OPN5: variants seen among roughly 807,000 people sequenced by gnomAD.
The protein encoded by OPN5 is opsin 5.
In OPN5, 18 loss-of-function variants were observed where a neutral mutation model predicts 41.7. The ratio of observed to expected loss-of-function variants is 0.43; its 90% CI spans 0.30 to 0.64. The LOEUF (loss-of-function observed/expected upper bound fraction) is 0.64. Ranked by LOEUF, OPN5 falls within the 30% of genes least tolerant of loss-of-function variation. The probability of loss-of-function intolerance (pLI) is 0.13; values close to 1 mark genes in which losing one functional copy is unlikely to be tolerated. For missense variants in OPN5, 318 were observed against 434.5 expected (o/e 0.73, Z 2.38); for synonymous variants, 178 against 164.3 (o/e 1.08, Z -0.64).
chr6:47,802,044 CT>C (rs1773797262), intron 4 of OPN5, among the ~76,000 whole-genome samples: 5 of 152,214 alleles, frequency 3.3e-5, no homozygotes, highest in African/African-American at 1.2e-4. Flanking sequence ...CCTTCTGTAT[CT>C]GAGGAATTTC....
At chr6:47,805,754 A>G (rs1362112019) in intron 4 of OPN5, among the ~76,000 whole-genome samples, 1 of 152,208 alleles carries the variant, frequency 6.6e-6, no homozygotes, top group East Asian at 1.9e-4. Context: ...TGTTGCTTTA[A>G]TTATTACTAA....
chr6:47,802,258 G>A (rs1234065018), intron 4 of OPN5, among the ~76,000 whole-genome samples: 2 of 152,124 alleles, frequency 1.3e-5, no homozygotes, highest in Non-Finnish European at 2.9e-5. Context: ...ACAGCAGCAG[G>A]AGTTTCTGCA....
intron 6 of OPN5, among the ~76,000 whole-genome samples, chr6:47,821,606 G>A (rs1365156011): frequency 1.3e-5 from 2 of 152,164 alleles, no homozygotes; most frequent in Non-Finnish European, 2.9e-5. Context: ...AAAAATATGT[G>A]AGCAATTTTA....
At chr6:47,820,086 C>T (rs945636359) in intron 6 of OPN5, among the ~76,000 whole-genome samples, 1 of 151,966 alleles carries the variant, frequency 6.6e-6, no homozygotes, top group African/African-American at 2.4e-5. Context: ...GGAACACAAC[C>T]ATGCCCACTT....
chr6:47,793,240 A>G (rs1185674466), intron 3 of OPN5, among the ~76,000 whole-genome samples: 1 of 152,278 alleles, frequency 6.6e-6, no homozygotes, highest in Non-Finnish European at 1.5e-5. Flanking sequence ...CTAAACCCTG[A>G]TACCTCTGTT....
intron 6 of OPN5, among the ~76,000 whole-genome samples, chr6:47,820,133 T>TAGAGAGAG (rs5876036): frequency 2.7e-4 from 40 of 149,496 alleles, no homozygotes; most frequent in African/African-American, 9.6e-4. Flanking sequence ...TCCTTTTGAA[T>TAGAGAGAG]AGAGAGAGAG....
At chr6:47,800,882 A>G (rs1269865019) in intron 4 of OPN5, among the ~76,000 whole-genome samples, 3 of 152,332 alleles carry the variant, frequency 2.0e-5, no homozygotes, top group East Asian at 3.9e-4. Flanking sequence ...TAGTTTTTCT[A>G]AATATTATTA....
intron 5 of OPN5, among the ~76,000 whole-genome samples, chr6:47,809,864 G>A (rs1248099867): frequency 6.6e-6 from 1 of 152,210 alleles, no homozygotes; most frequent in African/African-American, 2.4e-5. Context: ...TAGAGCAGTT[G>A]TGGGAGAAAG....
intron 6 of OPN5, among the ~76,000 whole-genome samples, chr6:47,815,987 G>T (rs1397540094): frequency 6.6e-6 from 1 of 152,048 alleles, no homozygotes; most frequent in Admixed American, 6.6e-5. Flanking sequence ...CATGCACCAC[G>T]AGGTCTGAAA....
At chr6:47,813,113 C>CAACAAG (rs1341179581) in intron 6 of OPN5, among the ~76,000 whole-genome samples, 1 of 114,486 alleles carries the variant, frequency 8.7e-6, no homozygotes, top group African/African-American at 2.9e-5. Flanking sequence ...ACAACAACAA[C>CAACAAG]AAGCAACAAC....
chr6:47,822,267 C>A (rs1762649178), intron 6 of OPN5, among the ~76,000 whole-genome samples: 1 of 151,852 alleles, frequency 6.6e-6, no homozygotes, highest in Non-Finnish European at 1.5e-5. Context: ...ACCTGGGCTG[C>A]AGAGAGAGGG....
chr6:47,811,663 C>T lies in OPN5; in HGVS notation c.999-11C>T, dbSNP rs201961212. ...AGATATTAAATTGCATTTTTCTTCTCCTATATCTAGGCTGCACACCGTAAC... is the reference window on the plus strand; with the variant it reads ...AGATATTAAATTGCATTTTTCTTCTTCTATATCTAGGCTGCACACCGTAAC... On this transcript the variant is annotated splice_polypyrimidine_tract_variant and intron_variant, in intron 5 of 6. Transcript: ENST00000371211. 1.9e-6 allele frequency: 3 copies of T among 1,604,282 alleles called. No individual in the cohort carries two copies. The highest frequency in any genetic ancestry group is 2.6e-6 in the Non-Finnish European group (3 of 1,172,014).
intron 6 of OPN5, among the ~76,000 whole-genome samples, chr6:47,820,868 A>G (rs1327461041): frequency 6.6e-6 from 1 of 152,202 alleles, no homozygotes; most frequent in African/African-American, 2.4e-5. Flanking sequence ...GAACTTAACT[A>G]TTAATGGCCT....
At chr6:47,791,686 T>G in intron 2 of OPN5, 116 bp from the exon 3 acceptor site, 1 of 735,174 alleles carries the variant, frequency 1.4e-6, no homozygotes, top group East Asian at 2.5e-5. Context: ...ATCAAGGGTG[T>G]GTGTGTGCGT....
intron 1 of OPN5, among the ~76,000 whole-genome samples, chr6:47,783,920 C>T (rs1773137465): frequency 6.6e-6 from 1 of 152,154 alleles, no homozygotes; most frequent in South Asian, 2.1e-4. Flanking sequence ...CTCCAGACAA[C>T]ACAAAACAGA....
At chr6:47,811,268 G>A (rs1774189661) in intron 5 of OPN5, among the ~76,000 whole-genome samples, 1 of 152,138 alleles carries the variant, frequency 6.6e-6, no homozygotes, top group Admixed American at 6.5e-5. Flanking sequence ...GGAGAACAAA[G>A]CTGCAAACTC....
At chr6:47,795,651 G>C in intron 4 of OPN5, 88 bp downstream of exon 4, 1 of 877,674 alleles carries the variant, frequency 1.1e-6, no homozygotes, top group South Asian at 1.6e-5. Flanking sequence ...GAGACTGAGA[G>C]AACTTAGAAT....
At chr6:47,782,854 A>G (rs1164853750) in intron 1 of OPN5, among the ~76,000 whole-genome samples, 5 of 152,208 alleles carry the variant, frequency 3.3e-5, no homozygotes. Context: ...CAGTAGCCAC[A>G]TGTGGCTTTT....
chr6:47,789,779 C>A (rs186356570), intron 2 of OPN5, among the ~76,000 whole-genome samples: 8 of 152,298 alleles, frequency 5.3e-5, no homozygotes, highest in Admixed American at 2.6e-4. Flanking sequence ...CCTGGGAGAG[C>A]TGGGAGCTAG....
Sources: allele counts gnomAD v4.1 joint callset (sites outside exome capture counted in the v4.1 genomes callset), GRCh38; gene constraint gnomAD v4.1.1; transcripts MANE v1.5; gene names NCBI Gene and HGNC (gene_info 2026-07-23, HGNC 2026-07-21).